Variants in AQP9 observed in about 807,000 individuals in gnomAD.
The protein encoded by AQP9 is aquaporin 9, also known as aquaporin-9.
In AQP9, 19 loss-of-function variants were observed where a neutral mutation model predicts 23.8. That is an observed-to-expected ratio of 0.80 (90% CI 0.56 to 1.17). The LOEUF (loss-of-function observed/expected upper bound fraction) is 1.17. Among genes scored for constraint, AQP9 ranks in the 50% most tolerant of loss-of-function variants. The pLI is 0.00. For synonymous variants in AQP9, 153 were observed against 131.5 expected (o/e 1.16, Z -1.12); for missense variants, 413 against 362.0 (o/e 1.14, Z -1.14).
chr15:58,165,538 T>C (rs937931803), intron 1 of AQP9, among the ~76,000 whole-genome samples: 5 of 152,194 alleles, frequency 3.3e-5, no homozygotes, highest in Non-Finnish European at 7.3e-5. Context: ...AAGAAATGCA[T>C]GTAATGTATT....
At chr15:58,174,308 A>C (rs1028239855) in intron 3 of AQP9, among the ~76,000 whole-genome samples, 1 of 152,052 alleles carries the variant, frequency 6.6e-6, no homozygotes. Flanking sequence ...AGAAAAAAAA[A>C]AAGGAAAAGA....
At chr15:58,168,680 A>G (rs1303846420) in intron 2 of AQP9, among the ~76,000 whole-genome samples, 2 of 152,158 alleles carry the variant, frequency 1.3e-5, no homozygotes, top group African/African-American at 2.4e-5. Context: ...GTGATTTGTT[A>G]GCATGCACAG....
chr15:58,175,096 A>C (rs1296935576), intron 4 of AQP9, 60 bp downstream of exon 4: 7 of 1,412,170 alleles, frequency 5.0e-6, no homozygotes, highest in Non-Finnish European at 7.0e-6. Flanking sequence ...CATAAGGGGA[A>C]TGCATTGGAG....
At chr15:58,175,942 A>C (rs1898744279) in intron 4 of AQP9, among the ~76,000 whole-genome samples, 2 of 152,230 alleles carry the variant, frequency 1.3e-5, no homozygotes, top group South Asian at 4.1e-4. Flanking sequence ...AGCTTGAAAG[A>C]CTGACGAGTA....
chr15:58,184,133 T>G lies in AQP9; in HGVS notation c.886T>G (p.Ter296GluextTer44), dbSNP rs751460577. The change falls in exon 6 of 6, where the codon TAG becomes GAG. Residue 296 changes from the stop codon to glutamate, a stop_lost. Transcript: ENST00000219919. ...PEKYELSVIM[*>E] Reference sequence around the variant, plus strand: ...GAAATATGAACTCAGTGTCATCATGTAGTGGCATGCTCAGCTCTGGATTTG... The same window carrying G: ...GAAATATGAACTCAGTGTCATCATGGAGTGGCATGCTCAGCTCTGGATTTG... 6.2e-7 allele frequency: 1 copy of G among 1,613,876 alleles called. No individual in the cohort carries two copies. Among genetic ancestry groups the G allele is most frequent in the Admixed American group, 1.7e-5 (1 of 60,008 alleles).
intron 2 of AQP9, among the ~76,000 whole-genome samples, chr15:58,168,537 T>C (rs1336329455): frequency 1.3e-5 from 2 of 151,512 alleles, no homozygotes; most frequent in Non-Finnish European, 2.9e-5. Flanking sequence ...GCTGGCACCC[T>C]TTCCATATTA....
At chr15:58,145,711 A>C (rs1898032816) in intron 1 of AQP9, among the ~76,000 whole-genome samples, 1 of 152,214 alleles carries the variant, frequency 6.6e-6, no homozygotes, top group Non-Finnish European at 1.5e-5. Flanking sequence ...ATGCATTCCT[A>C]TCATTTACTG....
chr15:58,160,906 G>A (rs935780675), intron 1 of AQP9, among the ~76,000 whole-genome samples: 4 of 152,186 alleles, frequency 2.6e-5, no homozygotes, highest in Non-Finnish European at 5.9e-5. Flanking sequence ...GATGTGCAGG[G>A]ATGAAAATAA....
At chr15:58,173,255 G>C (rs1898664812) in intron 3 of AQP9, 50 bp downstream of exon 3, 1 of 1,606,292 alleles carries the variant, frequency 6.2e-7, no homozygotes, top group African/African-American at 1.3e-5. Context: ...GGCATAATTT[G>C]AAAGTCAGAA....
rs1389722091 is a variant in AQP9, at chr15:58,184,003, G to T, written c.756G>T (p.Leu252Phe). 4 of 1,614,128 alleles carry T rather than the reference G, an allele frequency of 2.5e-6. No homozygotes were observed. The highest frequency in any genetic ancestry group is 2.2e-5 in the East Asian group (1 of 44,876). The change falls in exon 6 of 6, where the codon TTG becomes TTT. Residue 252 changes from leucine to phenylalanine, a missense_variant. By Grantham distance (22) the Leu-to-Phe change is conservative. Transcript: ENST00000219919. ...GGTGGATTCCTGTAGTGGGCCCTTT[G>T]GTTGGTGCTGTCATTGGAGGCCTCA... The part of the protein sequence containing the change: ...NFWWIPVVGP[L>F]VGAVIGGLIY...
intron 1 of AQP9, among the ~76,000 whole-genome samples, chr15:58,158,490 T>C (rs767598577): frequency 5.9e-5 from 9 of 152,138 alleles, no homozygotes; most frequent in Admixed American, 5.9e-4. Context: ...AATAATGGGA[T>C]AGTGATAAGG....
chr15:58,161,677 T>C (rs1353949200), intron 1 of AQP9, among the ~76,000 whole-genome samples: 1 of 152,204 alleles, frequency 6.6e-6, no homozygotes, highest in Non-Finnish European at 1.5e-5. Context: ...GGGTCTGTTT[T>C]CTTAACCTAT....
intron 3 of AQP9, among the ~76,000 whole-genome samples, chr15:58,174,215 C>G (rs1898688712): frequency 6.6e-6 from 1 of 151,460 alleles, no homozygotes; most frequent in South Asian, 2.1e-4. Context: ...CAGCCCAGAT[C>G]AAGGCTGCAG....
intron 5 of AQP9, 145 bp from the exon 6 acceptor site, chr15:58,183,816 G>T (rs1352033581): frequency 1.2e-6 from 1 of 810,028 alleles, no homozygotes; most frequent in South Asian, 1.8e-5. Flanking sequence ...TTGCCATGCT[G>T]CACTGAGCCC....
intron 1 of AQP9, among the ~76,000 whole-genome samples, chr15:58,145,892 T>C (rs567388488): frequency 6.6e-6 from 1 of 152,326 alleles, no homozygotes; most frequent in Admixed American, 6.5e-5. Context: ...AATGATAAAT[T>C]AGCTGATACA....
At chr15:58,183,938 A>C (rs535591577) in intron 5 of AQP9, 23 bp from the exon 6 acceptor site, 2 of 1,612,640 alleles carry the variant, frequency 1.2e-6, no homozygotes, top group South Asian at 2.2e-5. Flanking sequence ...GAAATGTATC[A>C]CTAATTTCTT....
chr15:58,179,042 T>G, intron 4 of AQP9, 86 bp from the exon 5 acceptor site: 1 of 939,384 alleles, frequency 1.1e-6, no homozygotes, highest in Non-Finnish European at 1.7e-6. Flanking sequence ...ATTGTAATAT[T>G]GTAAAATAGT....
intron 2 of AQP9, among the ~76,000 whole-genome samples, chr15:58,172,509 G>A (rs1375953855): frequency 6.6e-6 from 1 of 152,166 alleles, no homozygotes; most frequent in Non-Finnish European, 1.5e-5. Flanking sequence ...TTTATGCAGA[G>A]GAACTGAGAA....
intron 1 of AQP9, among the ~76,000 whole-genome samples, chr15:58,149,320 G>A (rs535658961): frequency 9.6e-4 from 146 of 152,324 alleles, no homozygotes; most frequent in South Asian, 1.9e-3. Flanking sequence ...AGGACTCACA[G>A]AAGTAAAGTG....
Sources: allele counts gnomAD v4.1 joint callset (sites outside exome capture counted in the v4.1 genomes callset), GRCh38; gene constraint gnomAD v4.1.1; transcripts MANE v1.5; gene names NCBI Gene and HGNC (gene_info 2026-07-23, HGNC 2026-07-21).